Variants in PPFIA2 observed in about 807,000 individuals in gnomAD.
PPFIA2 encodes the protein PPFI scaffold protein A2.
Under a neutral mutation model 175.5 loss-of-function variants are expected in PPFIA2, and 46 were observed. That is an observed-to-expected ratio of 0.26 (90% confidence interval 0.21 to 0.34). The LOEUF (loss-of-function observed/expected upper bound fraction) is 0.34, where lower values mean the gene tolerates loss of function less well. Among genes scored for constraint, PPFIA2 ranks in the 10% least tolerant of loss-of-function variants. The probability of loss-of-function intolerance (pLI) is 1.00; values close to 1 mark genes in which losing one functional copy is unlikely to be tolerated. For synonymous variants in PPFIA2, 568 were observed against 511.4 expected (o/e 1.11, Z -1.49); for missense variants, 1,179 against 1,506.1 (o/e 0.78, Z 3.60).
chr12:81,630,638 T>C (rs1214339449), intron 4 of PPFIA2, among the ~76,000 whole-genome samples: 2 of 152,090 alleles, frequency 1.3e-5, no homozygotes, highest in Non-Finnish European at 2.9e-5. Context: ...ACTATTTCCA[T>C]TCCTTCCCAG....
At chr12:81,455,340 G>A (rs1457174809) in intron 5 of PPFIA2, among the ~76,000 whole-genome samples, 1 of 152,056 alleles carries the variant, frequency 6.6e-6, no homozygotes, top group Non-Finnish European at 1.5e-5. Flanking sequence ...GTACAAGGGG[G>A]TTTTCATAAA....
intron 4 of PPFIA2, among the ~76,000 whole-genome samples, chr12:81,592,185 T>G (rs2058745006): frequency 6.6e-6 from 1 of 152,150 alleles, no homozygotes; most frequent in Non-Finnish European, 1.5e-5. Flanking sequence ...CAATTTCTCC[T>G]GTTTGGAATG....
chr12:81,666,381 A>G (rs1242020204), intron 4 of PPFIA2, among the ~76,000 whole-genome samples: 1 of 152,216 alleles, frequency 6.6e-6, no homozygotes, highest in Non-Finnish European at 1.5e-5. Context: ...ACAATGATAG[A>G]CTGGATTAAG....
At chr12:81,449,920 G>C (rs573619536) in intron 5 of PPFIA2, among the ~76,000 whole-genome samples, 2 of 151,818 alleles carry the variant, frequency 1.3e-5, no homozygotes, top group East Asian at 3.9e-4. Context: ...ATAGTTTGCT[G>C]AGAATGATGG....
At chr12:81,503,517 T>C (rs1178842135) in intron 4 of PPFIA2, among the ~76,000 whole-genome samples, 2 of 147,736 alleles carry the variant, frequency 1.4e-5, no homozygotes, top group African/African-American at 2.5e-5. Flanking sequence ...CAAGTCTAGA[T>C]ATACAGGATT....
At position 81,752,726 on chromosome 12, in the gene PPFIA2, T is replaced by C. The variant is rs189177100; in HGVS notation, c.249+1247A>G. On this transcript the variant is annotated intron_variant, in intron 3 of 32. Transcript: ENST00000549396. ...TAGAATTTTATCAACTTTGAATATA[T>C]AGTTTTCAATATTTATAAAGATATC... Among the ~76,000 whole-genome samples the C allele has an allele frequency of 1.1e-3, 160 of 152,258 alleles. 1 individual carries two copies. The highest frequency in any genetic ancestry group is 6.8e-3 in the Middle Eastern group (2 of 294).
chr12:81,654,133 C>A (rs942244750), intron 4 of PPFIA2, among the ~76,000 whole-genome samples: 3 of 146,084 alleles, frequency 2.1e-5, no homozygotes, highest in South Asian at 2.2e-4. Flanking sequence ...AAAGTACTAG[C>A]GAAGAAGAAA....
At chr12:81,671,388 G>A (rs2071389499) in intron 4 of PPFIA2, among the ~76,000 whole-genome samples, 1 of 151,678 alleles carries the variant, frequency 6.6e-6, no homozygotes, top group African/African-American at 2.4e-5. Flanking sequence ...AAAAAATAAT[G>A]TCAAGTTTCT....
intron 4 of PPFIA2, among the ~76,000 whole-genome samples, chr12:81,569,019 T>A (rs1446494891): frequency 1.3e-5 from 2 of 152,200 alleles, no homozygotes; most frequent in East Asian, 3.8e-4. Context: ...TTGTTCTACT[T>A]TTCTTCATAA....
chr12:81,717,045 G>A (rs1165651840), intron 3 of PPFIA2, among the ~76,000 whole-genome samples: 3 of 151,690 alleles, frequency 2.0e-5, no homozygotes, highest in Non-Finnish European at 4.4e-5. Context: ...ATGAGATAGT[G>A]GGACAACATG....
intron 21 of PPFIA2, among the ~76,000 whole-genome samples, chr12:81,330,882 T>C: frequency 6.6e-6 from 1 of 152,254 alleles, no homozygotes; most frequent in East Asian, 1.9e-4. Context: ...ACTGTATCTA[T>C]ACACAGTGCC....
chr12:81,556,328 T>C (rs1258888716), intron 4 of PPFIA2, among the ~76,000 whole-genome samples: 3 of 151,944 alleles, frequency 2.0e-5, no homozygotes, highest in Non-Finnish European at 2.9e-5. Context: ...TGAATAATAC[T>C]TCTTATCATG....
chr12:81,525,895 C>CTAGAATAATA (rs1279341664), intron 4 of PPFIA2, among the ~76,000 whole-genome samples: 3 of 151,874 alleles, frequency 2.0e-5, no homozygotes, highest in African/African-American at 2.4e-5. Flanking sequence ...TTATTTTTGG[C>CTAGAATAATA]TAGAATAATA....
chr12:81,590,519 AGGGT>A (rs2058551456), intron 4 of PPFIA2, among the ~76,000 whole-genome samples: 1 of 151,496 alleles, frequency 6.6e-6, no homozygotes, highest in Admixed American at 6.6e-5. Flanking sequence ...TTTTTGAAAC[AGGGT>A]GATAGGGTTT....
intron 4 of PPFIA2, among the ~76,000 whole-genome samples, chr12:81,547,782 G>A (rs1427357755): frequency 6.6e-6 from 1 of 152,072 alleles, no homozygotes; most frequent in Non-Finnish European, 1.5e-5. Context: ...CTGTTCTCTA[G>A]AGCAACCATA....
intron 3 of PPFIA2, among the ~76,000 whole-genome samples, chr12:81,705,206 T>G (rs1369697426): frequency 1.3e-5 from 2 of 150,628 alleles, no homozygotes; most frequent in African/African-American, 4.9e-5. Context: ...TCCCAGCAGT[T>G]TGGGAGGCCG....
chr12:81,328,072 A>C (rs2055218999), intron 21 of PPFIA2, among the ~76,000 whole-genome samples: 1 of 152,148 alleles, frequency 6.6e-6, no homozygotes, highest in African/African-American at 2.4e-5. Context: ...CAGCCCAATT[A>C]AAACACTTCT....
At chr12:81,606,219 A>G (rs982382476) in intron 4 of PPFIA2, among the ~76,000 whole-genome samples, 5 of 152,066 alleles carry the variant, frequency 3.3e-5, no homozygotes, top group Admixed American at 2.6e-4. Flanking sequence ...CCAGTCCACC[A>G]TTGATGGGCA....
chr12:81,418,692 T>C (rs554584692), intron 7 of PPFIA2, among the ~76,000 whole-genome samples: 1 of 151,922 alleles, frequency 6.6e-6, no homozygotes, highest in East Asian at 1.9e-4. Flanking sequence ...GTGGTTCTTG[T>C]CTATCTCTTT....
Sources: gnomAD v4.1 joint callset for allele counts (sites outside exome capture counted in the v4.1 genomes callset) on GRCh38, gnomAD v4.1.1 for gene constraint, MANE v1.5 for transcripts, NCBI Gene and HGNC (gene_info 2026-07-23, HGNC 2026-07-21) for gene names.